The following CAST variants were observed in gnomAD, a reference collection of about 807,000 sequenced individuals.
The protein encoded by CAST is calpastatin, also known as MIR583 host.
In CAST, 76 loss-of-function variants were observed where a neutral mutation model predicts 119.6. That is an observed-to-expected ratio of 0.64 (90% CI 0.53 to 0.77). The LOEUF (loss-of-function observed/expected upper bound fraction) is 0.77. Ranked by LOEUF, CAST falls within the 30% of genes least tolerant of loss-of-function variation. CAST has a pLI of 0.00. For synonymous variants in CAST, 319 were observed against 331.6 expected (o/e 0.96, Z 0.41); for missense variants, 953 against 946.5 (o/e 1.01, Z -0.09).
chr5:96,301,198 T>C, the CAST span, among the ~76,000 whole-genome samples: 163 of 152,182 alleles, frequency 1.1e-3, 1 homozygote, highest in African/African-American at 3.7e-3. Context: ...AAGGGGGAAG[T>C]GCCACACACT....
chr5:96,075,545 A>G, the CAST span, among the ~76,000 whole-genome samples: 128 of 152,298 alleles, frequency 8.4e-4, no homozygotes, highest in African/African-American at 2.8e-3. Flanking sequence ...CTTTCGTTCT[A>G]CTTCCACAAA....
the CAST span, among the ~76,000 whole-genome samples, chr5:96,010,178 G>A: frequency 3.3e-5 from 5 of 152,176 alleles, no homozygotes; most frequent in South Asian, 2.1e-4. Context: ...TAAGCACCAC[G>A]CTTTTTTGGT....
the CAST span, among the ~76,000 whole-genome samples, chr5:96,440,960 A>T: frequency 9.2e-5 from 14 of 152,204 alleles, no homozygotes; most frequent in African/African-American, 3.4e-4. Flanking sequence ...CTCAAAACAG[A>T]CCACCTGGAT....
chr5:96,650,882 T>A (rs1312479591), intron 1 of CAST, among the ~76,000 whole-genome samples: 2 of 152,116 alleles, frequency 1.3e-5, no homozygotes, highest in Non-Finnish European at 2.9e-5. Context: ...AAAGAATTTT[T>A]TCAACAGACT....
At chr5:96,678,847 AAAAC>A (rs758143516) in intron 2 of CAST, among the ~76,000 whole-genome samples, 12 of 152,040 alleles carry the variant, frequency 7.9e-5, no homozygotes, top group South Asian at 6.2e-4. Flanking sequence ...ATTCTGTCTC[AAAAC>A]AAACAAACAA....
At chr5:96,480,123 A>G in the CAST span, among the ~76,000 whole-genome samples, 1 of 152,222 alleles carries the variant, frequency 6.6e-6, no homozygotes, top group East Asian at 1.9e-4. Context: ...GGAAAATAAA[A>G]TGATCAAATT....
the CAST span, among the ~76,000 whole-genome samples, chr5:96,324,858 A>C: frequency 6.6e-6 from 1 of 152,018 alleles, no homozygotes; most frequent in South Asian, 2.1e-4. Context: ...ACAGGTTCTT[A>C]TATATAAGTT....
the CAST span, among the ~76,000 whole-genome samples, chr5:96,069,783 G>A: frequency 2.7e-5 from 4 of 148,350 alleles, no homozygotes; most frequent in Admixed American, 2.8e-4. Flanking sequence ...TTACAGGCAT[G>A]AGCCACCACA....
chr5:96,128,677 G>A, the CAST span, among the ~76,000 whole-genome samples: 3 of 152,074 alleles, frequency 2.0e-5, no homozygotes, highest in African/African-American at 7.2e-5. Context: ...TGGTACATAG[G>A]TAGTACCCTT....
At chr5:96,616,729 G>T (rs201145758) in intron 1 of CAST, among the ~76,000 whole-genome samples, 3,475 of 138,458 alleles carry the variant, frequency 0.025, 137 homozygotes, top group African/African-American at 0.074. Context: ...GCGCTCGCTC[G>T]CTCTCTCTCT....
At chr5:96,455,505 G>A in the CAST span, among the ~76,000 whole-genome samples, 2 of 152,324 alleles carry the variant, frequency 1.3e-5, no homozygotes, top group East Asian at 3.9e-4. Context: ...GAAGAGTTCA[G>A]ACCAGAATAA....
chr5:96,076,445 T>TTAG, the CAST span, among the ~76,000 whole-genome samples: 1 of 152,202 alleles, frequency 6.6e-6, no homozygotes, highest in East Asian at 1.9e-4. Context: ...TAACAGGTAC[T>TTAG]TCTTCATAAC....
At chr5:96,337,800 C>A in the CAST span, among the ~76,000 whole-genome samples, 3 of 152,288 alleles carry the variant, frequency 2.0e-5, no homozygotes, top group African/African-American at 7.2e-5. Flanking sequence ...TTTCTGACAT[C>A]AAATCAATGG....
At chr5:96,400,195 G>T in the CAST span, 1 of 1,592,344 alleles carries the variant, frequency 6.3e-7, no homozygotes, top group Non-Finnish European at 8.6e-7. Flanking sequence ...GGCTGGAGGG[G>T]AAGTGACCCA....
the CAST span, among the ~76,000 whole-genome samples, chr5:96,447,196 C>T: frequency 6.6e-6 from 1 of 152,322 alleles, no homozygotes; most frequent in South Asian, 2.1e-4. Context: ...AGCCATGAGA[C>T]ACAGCTTTGA....
intron 1 of CAST, among the ~76,000 whole-genome samples, chr5:96,539,539 T>C (rs556152972): frequency 6.6e-6 from 1 of 152,292 alleles, no homozygotes; most frequent in African/African-American, 2.4e-5. Context: ...TTATTTTTGC[T>C]CTGTCTTGTA....
chr5:96,308,186 CTT>C, the CAST span, among the ~76,000 whole-genome samples: 2 of 151,850 alleles, frequency 1.3e-5, no homozygotes, highest in African/African-American at 4.8e-5. Context: ...TATCTTCTCA[CTT>C]TATTTCATTG....
the CAST span, among the ~76,000 whole-genome samples, chr5:96,002,484 G>A: frequency 6.6e-6 from 1 of 152,178 alleles, no homozygotes; most frequent in Non-Finnish European, 1.5e-5. Flanking sequence ...TGAAAGCAGA[G>A]GAAGAGAGAC....
chr5:96,050,944 AGG>A, the CAST span, among the ~76,000 whole-genome samples: 35 of 152,314 alleles, frequency 2.3e-4, no homozygotes, highest in East Asian at 6.6e-3. Context: ...ATATAATTTG[AGG>A]TCTTTGGACA....
Sources: allele counts gnomAD v4.1 joint callset (sites outside exome capture counted in the v4.1 genomes callset), GRCh38; gene constraint gnomAD v4.1.1; transcripts MANE v1.5; gene names NCBI Gene and HGNC (gene_info 2026-07-23, HGNC 2026-07-21).